Variants in DMD observed in about 807,000 individuals in gnomAD.
DMD encodes the protein dystrophin.
In DMD, 63 loss-of-function variants were observed where a neutral mutation model predicts 330.1. The ratio of observed to expected loss-of-function variants is 0.19; its 90% confidence interval spans 0.16 to 0.24. The LOEUF is 0.24. DMD is among the 10% of genes least tolerant of loss of function. The probability of loss-of-function intolerance (pLI) is 1.00; values close to 1 mark genes in which losing one functional copy is unlikely to be tolerated. For synonymous variants in DMD, 1,223 were observed against 959.8 expected, an observed-to-expected ratio of 1.27 and a Z score of -5.07; for missense variants, 3,344 against 2,684.1, an observed-to-expected ratio of 1.25 and a Z score of -5.43.
At chrX:32,010,707 A>G (rs1211707917) in intron 44 of DMD, among the ~76,000 whole-genome samples, 2 of 111,719 alleles carry the variant, frequency 1.8e-5, no homozygotes, top group African/African-American at 6.5e-5. Flanking sequence ...GACTACCCCA[A>G]GTTAGACTTG....
At chrX:32,545,096 C>G in intron 17 of DMD, 63 bp downstream of exon 17, 1 of 1,105,384 alleles carries the variant, frequency 9.0e-7, no homozygotes, top group Non-Finnish European at 1.2e-6. Context: ...ACACCACCAA[C>G]AAAACTGCTG....
intron 1 of DMD, among the ~76,000 whole-genome samples, chrX:33,226,352 G>A (rs2052290010): frequency 9.0e-6 from 1 of 111,389 alleles, no homozygotes; most frequent in Non-Finnish European, 1.9e-5. Flanking sequence ...TAATCAAACT[G>A]GCATATTCAT....
At chrX:31,887,743 C>T (rs1320617316) in intron 47 of DMD, among the ~76,000 whole-genome samples, 1 of 111,615 alleles carries the variant, frequency 9.0e-6, no homozygotes, top group African/African-American at 3.3e-5. Flanking sequence ...TTACTGTTCT[C>T]TTCCAACTTA....
intron 50 of DMD, among the ~76,000 whole-genome samples, chrX:31,788,797 T>C (rs779748381): frequency 1.3e-3 from 149 of 111,717 alleles, no homozygotes; most frequent in African/African-American, 4.8e-3. Context: ...TCTTGATGAA[T>C]TGATCCTTTT....
At chrX:32,194,433 G>T (rs191241517) in intron 44 of DMD, among the ~76,000 whole-genome samples, 5 of 112,032 alleles carry the variant, frequency 4.5e-5, no homozygotes, top group Non-Finnish European at 9.4e-5. Context: ...TTAACTTCAT[G>T]TAAATACCCA....
chrX:32,777,277 T>TGGGGGGGGGGGGGGTGTGG (rs546914107), intron 7 of DMD, among the ~76,000 whole-genome samples: 1 of 2,111 alleles, frequency 4.7e-4, no homozygotes, highest in Non-Finnish European at 7.0e-4. Flanking sequence ...GGTTTCTGGT[T>TGGGGGGGGGGGGGGTGTGG]GGGGGGGGAA....
At chrX:31,551,075 G>C (rs1406019248) in intron 55 of DMD, among the ~76,000 whole-genome samples, 3 of 109,097 alleles carry the variant, frequency 2.7e-5, no homozygotes, top group Admixed American at 9.9e-5. Context: ...AGCTACTCAA[G>C]AGGCTGAGGC....
At chrX:32,004,225 C>A (rs2095646333) in intron 44 of DMD, among the ~76,000 whole-genome samples, 1 of 111,229 alleles carries the variant, frequency 9.0e-6, no homozygotes, top group South Asian at 3.7e-4. Flanking sequence ...CCCTACTTTA[C>A]ATCTAAAAAC....
intron 48 of DMD, among the ~76,000 whole-genome samples, chrX:31,862,936 C>T (rs1248380481): frequency 8.9e-6 from 1 of 112,976 alleles, no homozygotes; most frequent in Non-Finnish European, 1.9e-5. Flanking sequence ...GCAGCAGTTA[C>T]GTCAGGCCAG....
intron 49 of DMD, among the ~76,000 whole-genome samples, chrX:31,831,633 C>T (rs1480494625): frequency 2.7e-5 from 3 of 111,506 alleles, no homozygotes; most frequent in Non-Finnish European, 3.8e-5. Flanking sequence ...GAGTCTCACT[C>T]TGTCACCCAG....
intron 12 of DMD, among the ~76,000 whole-genome samples, chrX:32,612,355 C>A (rs1464095588): frequency 8.9e-6 from 1 of 111,907 alleles, no homozygotes; most frequent in African/African-American, 3.2e-5. Context: ...TAGAGAGAAG[C>A]CATTGCTGTA....
At chrX:32,476,982 C>T (rs1171147079) in intron 21 of DMD, among the ~76,000 whole-genome samples, 2 of 111,223 alleles carry the variant, frequency 1.8e-5, no homozygotes, top group Admixed American at 1.9e-4. Context: ...TAAAAGACCT[C>T]GAGAGTTCTA....
intron 2 of DMD, among the ~76,000 whole-genome samples, chrX:32,937,331 T>G (rs532415243): frequency 3.7e-5 from 4 of 109,193 alleles, no homozygotes; most frequent in African/African-American, 1.3e-4. Flanking sequence ...TCCACTGTAC[T>G]CCTCCTGCTG....
chrX:32,805,338 T>C (rs1350672626), intron 7 of DMD, among the ~76,000 whole-genome samples: 1 of 111,270 alleles, frequency 9.0e-6, no homozygotes, highest in Non-Finnish European at 1.9e-5. Context: ...AATAGCTCAA[T>C]CGATCCAGCA....
intron 45 of DMD, among the ~76,000 whole-genome samples, chrX:31,946,689 T>C (rs1195101347): frequency 9.0e-6 from 1 of 111,405 alleles, no homozygotes; most frequent in Non-Finnish European, 1.9e-5. Context: ...CAAGGCAGTG[T>C]AAACTAAAAT....
At chrX:31,930,969 ATTTG>A (rs2094845588) in intron 46 of DMD, among the ~76,000 whole-genome samples, 1 of 111,996 alleles carries the variant, frequency 8.9e-6, no homozygotes, top group Admixed American at 9.5e-5. Flanking sequence ...AGTGCTCCAT[ATTTG>A]TTTATTGAAT....
intron 55 of DMD, among the ~76,000 whole-genome samples, chrX:31,513,991 T>C (rs2071925913): frequency 8.9e-6 from 1 of 112,298 alleles, no homozygotes; most frequent in South Asian, 3.7e-4. Context: ...TAGGCTATAT[T>C]ACCTTTCAAG....
At chrX:31,988,588 A>G (rs2095528173) in intron 44 of DMD, among the ~76,000 whole-genome samples, 2 of 110,256 alleles carry the variant, frequency 1.8e-5, no homozygotes, top group African/African-American at 6.6e-5. Context: ...TCCATAGCAT[A>G]TTAATTTATT....
At chrX:31,699,764 T>C (rs1267455744) in intron 52 of DMD, among the ~76,000 whole-genome samples, 1 of 111,726 alleles carries the variant, frequency 9.0e-6, no homozygotes, top group Non-Finnish European at 1.9e-5. Context: ...CAGAAAATAA[T>C]AGGGGTTGGC....
Sources: gnomAD v4.1 joint callset for allele counts (sites outside exome capture counted in the v4.1 genomes callset) on GRCh38, gnomAD v4.1.1 for gene constraint, MANE v1.5 for transcripts, NCBI Gene and HGNC (gene_info 2026-07-23, HGNC 2026-07-21) for gene names.